Variants in PRR12 observed in about 807,000 individuals in gnomAD.
PRR12 encodes the protein proline rich 12, also known as proline-rich protein 12.
In PRR12, 12 loss-of-function variants were observed where a neutral mutation model predicts 138.0. The observed-to-expected ratio is 0.09, with a 90% CI of 0.06 to 0.14. The LOEUF (loss-of-function observed/expected upper bound fraction) is 0.14. Ranked by LOEUF, PRR12 falls within the 10% of genes least tolerant of loss-of-function variation. PRR12 has a pLI of 1.00. For synonymous variants in PRR12, 1,567 were observed against 1,291.7 expected (o/e 1.21, Z -4.57); for missense variants, 2,692 against 2,861.3 (o/e 0.94, Z 1.35).
At chr19:49,593,179 C>G in intron 1 of PRR12, 148 bp from the exon 2 acceptor site, 1 of 583,660 alleles carries the variant, frequency 1.7e-6, no homozygotes, top group East Asian at 3.0e-5. Context: ...CCCTTGTGTT[C>G]TCCCCTTTAG....
chr19:49,624,794 G>A (rs768224912), intron 11 of PRR12, 50 bp from the exon 12 acceptor site: 1 of 1,590,276 alleles, frequency 6.3e-7, no homozygotes, highest in Non-Finnish European at 8.6e-7. Flanking sequence ...GTTGGGTTTG[G>A]GGTTTATGGA....
At chr19:49,604,404 G>GCC (rs1343034973) in intron 6 of PRR12, among the ~76,000 whole-genome samples, 4 of 151,776 alleles carry the variant, frequency 2.6e-5, no homozygotes, top group Non-Finnish European at 5.9e-5. Context: ...TAGGCCAGGT[G>GCC]CGGTAGCTCA....
chr19:49,622,884 T>A (rs1436284974), intron 11 of PRR12, among the ~76,000 whole-genome samples: 1 of 116,978 alleles, frequency 8.5e-6, no homozygotes, highest in Non-Finnish European at 1.6e-5. Flanking sequence ...AGAGCGAGAC[T>A]CTGTCTCAAA....
At chr19:49,603,930 C>T (rs2080825335) in intron 6 of PRR12, among the ~76,000 whole-genome samples, 1 of 151,994 alleles carries the variant, frequency 6.6e-6, no homozygotes, top group Non-Finnish European at 1.5e-5. Flanking sequence ...AAGCGATTCT[C>T]CTGCCTCAGC....
Position 49,594,605 on chromosome 19 carries a change from C to T in PRR12, c.351C>T (p.Ser117=). Reference sequence around the variant, plus strand: ...TCCTCTCCCAGTTCCGCAGTCCTTCCTGGCAAACAGGTAAGCCCAGCGCCG... The same window carrying T: ...TCCTCTCCCAGTTCCGCAGTCCTTCTTGGCAAACAGGTAAGCCCAGCGCCG... ...SSLLSQFRSP[S]WQTAMHTPGP... is the part of the protein sequence containing the mutation. The change falls in exon 3 of 14, where the codon TCC becomes TCT. Residue 117 remains serine, a synonymous_variant. Coordinates refer to ENST00000418929, the MANE Select transcript of PRR12 (RefSeq NM_020719.3). The surrounding 1 kb of genome is among the most constrained non-coding windows in gnomAD (Gnocchi z 5.6). 6.2e-7 allele frequency: 1 copy of T among 1,612,428 alleles called. No homozygotes were observed. Among genetic ancestry groups the T allele is most frequent in the Non-Finnish European group, 8.5e-7 (1 of 1,179,674 alleles).
intron 6 of PRR12, among the ~76,000 whole-genome samples, chr19:49,608,145 T>G (rs948422840): frequency 1.3e-5 from 2 of 152,164 alleles, no homozygotes; most frequent in African/African-American, 4.8e-5. Context: ...CTGTGAATAC[T>G]TTGTACTCGT....
Position 49,614,347 on chromosome 19 carries a change from C to T in PRR12, c.4774-186C>T, listed in dbSNP as rs553067711. Among the ~76,000 whole-genome samples the T allele has an allele frequency of 9.9e-4, 150 of 152,216 alleles. No individual in the cohort carries two copies. Among genetic ancestry groups the T allele is most frequent in the Non-Finnish European group, 1.6e-3 (110 of 68,014 alleles). On this transcript the variant is annotated intron_variant, in intron 6 of 13. Coordinates refer to ENST00000418929, the MANE Select transcript of PRR12 (RefSeq NM_020719.3). The surrounding 1 kb of genome is among the most constrained non-coding windows in gnomAD (Gnocchi z 5.0). Reference sequence around the variant, plus strand: ...TCCAGGGTACTGGGTGGGCAGGAGGCGACAGGGTCAAGTTCAAGCTGTACA... The same window carrying T: ...TCCAGGGTACTGGGTGGGCAGGAGGTGACAGGGTCAAGTTCAAGCTGTACA...
At position 49,625,222 on chromosome 19, in the gene PRR12, C is replaced by G. The variant is rs1203651740; in HGVS notation, c.5964+22C>G. The G allele has an allele frequency of 1.9e-6, 3 of 1,604,770 alleles. No individual in the cohort carries two copies. The African/African-American group carries it at 4.0e-5, about 21-fold the overall frequency. On this transcript the variant is annotated intron_variant, in intron 13 of 13. Coordinates refer to ENST00000418929, the MANE Select transcript of PRR12 (RefSeq NM_020719.3). The surrounding 1 kb of genome is among the most constrained non-coding windows in gnomAD (Gnocchi z 5.5). Reference sequence around the variant, plus strand: ...CCAGGTGAGCCCCACCCACAGCACCCATCGCCCTGGGATTCCAACCTTTCT... The same window carrying G: ...CCAGGTGAGCCCCACCCACAGCACCGATCGCCCTGGGATTCCAACCTTTCT...
rs1158052447 is a variant in PRR12, at chr19:49,623,781, C to T, written c.5722-1063C>T. ...TCTGGGGTAGGTGGTTAGGATGGGG[C>T]CGAGAATTCTGGGGTAGATGGTTAG... is the stretch of plus-strand genomic sequence containing the variant. On this transcript the variant is annotated intron_variant, in intron 11 of 13. Transcript: ENST00000418929. Among the ~76,000 whole-genome samples, 9 of 150,442 alleles carry T rather than the reference C, an allele frequency of 6.0e-5. No individual in the cohort carries two copies. In the East Asian group the frequency reaches 1.8e-3, roughly 29 times the overall value.
Position 49,599,289 on chromosome 19 carries a change from C to T in PRR12, c.3696C>T (p.Pro1232=). ...LKPLKIKLSV[P]KAGEGLGTSS... is the part of the protein sequence containing the mutation. ...ATGTCTAGATCAAGCTGTCTGTGCC[C>T]AAGGCTGGCGAGGGTCTGGGAACCT... is the stretch of plus-strand genomic sequence containing the variant. Residue 1232 remains proline (P), a synonymous_variant, in exon 5 of 14, where the codon CCC becomes CCT. Coordinates refer to ENST00000418929, the MANE Select transcript of PRR12 (RefSeq NM_020719.3). The surrounding 1 kb of genome is among the most constrained non-coding windows in gnomAD (Gnocchi z 5.0). 2 of 1,605,128 alleles carry T rather than the reference C, an allele frequency of 1.2e-6. No homozygotes were observed. The highest frequency in any genetic ancestry group is 2.2e-5 in the East Asian group (1 of 44,790).
At chr19:49,602,155 A>G (rs2080815884) in intron 6 of PRR12, among the ~76,000 whole-genome samples, 1 of 152,164 alleles carries the variant, frequency 6.6e-6, no homozygotes, top group South Asian at 2.1e-4. Flanking sequence ...GCGATTGTTA[A>G]CGCGTATGTG....
rs891698351 is a variant in PRR12 at position 49,614,789 on chromosome 19, C to T, written c.4891-87C>T. On this transcript the variant is annotated intron_variant, in intron 7 of 13. Transcript: ENST00000418929. The surrounding 1 kb of genome is among the most constrained non-coding windows in gnomAD (Gnocchi z 5.0). ...CCTGCTGCCGGCAGGCTCCAAGCAG[C>T]TGCCATGGTGGCCCAGGGCACGGGG... The T allele has an allele frequency of 1.3e-4, 210 of 1,579,850 alleles. No individual in the cohort carries two copies. The highest frequency in any genetic ancestry group is 1.6e-4 in the Non-Finnish European group (179 of 1,153,764).
At chr19:49,592,306 A>G (rs974728792) in intron 1 of PRR12, among the ~76,000 whole-genome samples, 1 of 151,926 alleles carries the variant, frequency 6.6e-6, no homozygotes, top group African/African-American at 2.4e-5. Context: ...GGCGTCTGGG[A>G]CACGCCCCCT....
chr19:49,597,832 G>A lies in PRR12; in HGVS notation c.3497G>A (p.Gly1166Glu). Residue 1166 changes from glycine (G) to glutamate (E), a missense_variant, in exon 4 of 14, where the codon GGG becomes GAG. Gly to Glu is a moderately conservative substitution (Grantham distance 98). Coordinates refer to ENST00000418929, the MANE Select transcript of PRR12 (RefSeq NM_020719.3). This position sits in a 1 kb window ranked among gnomAD's most constrained non-coding sequence, Gnocchi z 6.3. ...GRKPTKAKRDGPPRPRGRPRI... is the reference protein window; with the variant it reads ...GRKPTKAKRDEPPRPRGRPRI... Reference sequence around the variant, plus strand: ...AAGCCCACGAAGGCGAAACGTGATGGGCCACCCCGGCCACGGGGGAGGCCC... The same window carrying A: ...AAGCCCACGAAGGCGAAACGTGATGAGCCACCCCGGCCACGGGGGAGGCCC... The A allele has an allele frequency of 6.7e-7, 1 of 1,495,750 alleles. No homozygotes were observed. The highest frequency in any genetic ancestry group is 1.3e-5 in the South Asian group (1 of 74,842). The allele number at this position is 1,495,750 out of a possible 1,614,324, so 92.7% of individuals were successfully genotyped here.
chr19:49,617,130 CAAA>C (rs774039937), intron 9 of PRR12, among the ~76,000 whole-genome samples: 3 of 75,988 alleles, frequency 3.9e-5, no homozygotes, highest in Middle Eastern at 7.4e-3. Flanking sequence ...GACTCCGTCT[CAAA>C]AAAAAAAAAA....
In PRR12 at chr19:49,616,883, CTT is replaced by C. The variant is rs1037744416; in HGVS notation, c.5497+666_5497+667del. 2.6e-5 allele frequency among the ~76,000 whole-genome samples: 4 copies of C among 152,168 alleles called. No individual in the cohort carries two copies. The highest frequency in any genetic ancestry group is 6.5e-5 in the Admixed American group (1 of 15,274). ...GTGGCTCGCGCCTGTAATCCCAACA[CTT>C]TGGGAGGCCAAGGTGGGCGGATCAG... On this transcript the variant is annotated intron_variant, in intron 9 of 13. Transcript: ENST00000418929. The surrounding 1 kb of genome is among the most constrained non-coding windows in gnomAD (Gnocchi z 4.2).
rs778674769 is a variant in PRR12 at position 49,595,327 on chromosome 19, G to A, written c.992G>A (p.Cys331Tyr). The A allele has an allele frequency of 7.1e-6, 11 of 1,544,600 alleles. No homozygotes were observed. Among genetic ancestry groups the A allele is most frequent in the Non-Finnish European group, 9.6e-6 (11 of 1,145,630 alleles). ...ATGGGCCACCGGGCCAACCTGGCCT[G>A]CAGCCCCCTGGGTGGTGGGGAGCCC... Reference protein sequence around the residue: ...PSMGHRANLACSPLGGGEPSP... With the variant: ...PSMGHRANLAYSPLGGGEPSP... Residue 331 changes from cysteine to tyrosine, a missense_variant, in exon 4 of 14, where the codon TGC becomes TAC. Coordinates refer to ENST00000418929, the MANE Select transcript of PRR12 (RefSeq NM_020719.3).
intron 10 of PRR12, among the ~76,000 whole-genome samples, chr19:49,621,287 G>A (rs917546005): frequency 1.0e-4 from 14 of 140,698 alleles, no homozygotes; most frequent in Admixed American, 9.2e-4. Flanking sequence ...AGGGAGGAGC[G>A]GCTGGGGGTC....
chr19:49,597,408 G>C lies in PRR12; in HGVS notation c.3073G>C (p.Glu1025Gln), dbSNP rs2080780491. 6.5e-7 allele frequency: 1 copy of C among 1,537,610 alleles called. No individual in the cohort carries two copies. ...PPELPSTVNA[E>Q]PLGLIQSGPH... The stretch of plus-strand genomic sequence containing the variant: ...TGAACTGCCCTCCACGGTCAACGCC[G>C]AGCCGCTGGGCCTGATCCAGAGTGG... The change falls in exon 4 of 14, where the codon GAG becomes CAG. Residue 1025 changes from glutamate to glutamine, a missense_variant. By Grantham distance (29) the Glu-to-Gln change is conservative. This residue lies in a region of PRR12 where 840 missense variants were observed against 689.8 expected (regional missense o/e 1.22). Transcript: ENST00000418929. The surrounding 1 kb of genome is among the most constrained non-coding windows in gnomAD (Gnocchi z 6.3).
Sources: gnomAD v4.1 joint callset for allele counts (sites outside exome capture counted in the v4.1 genomes callset) on GRCh38, gnomAD v4.1.1 for gene constraint, gnomAD v4.1.1 regional missense constraint, Gnocchi (gnomAD v3.1) non-coding constraint, MANE v1.5 for transcripts, NCBI Gene and HGNC (gene_info 2026-07-23, HGNC 2026-07-21) for gene names.